The following TMEM39A variants were observed in gnomAD, a reference collection of about 807,000 sequenced individuals.
The protein encoded by TMEM39A is transmembrane protein 39A, also known as suppressor of SQST-1 aggregates in rpl-43 mutants.
A neutral mutation model predicts 51.9 loss-of-function variants in TMEM39A; 19 were observed. That is an observed-to-expected ratio of 0.37 (90% CI 0.26 to 0.54). The LOEUF (loss-of-function observed/expected upper bound fraction) is 0.54, where lower values mean the gene tolerates loss of function less well. TMEM39A is among the 20% of genes least tolerant of loss of function. The probability of loss-of-function intolerance (pLI) is 0.88; values close to 1 mark genes in which losing one functional copy is unlikely to be tolerated. For missense variants in TMEM39A, 433 were observed against 590.5 expected (o/e 0.73, Z 2.76); for synonymous variants, 197 against 220.2 (o/e 0.89, Z 0.93).
chr3:119,435,983 G>A (rs1180141709), intron 7 of TMEM39A: 5 of 1,255,324 alleles, frequency 4.0e-6, no homozygotes, highest in Non-Finnish European at 4.2e-6. Flanking sequence ...CTCTCAGGGG[G>A]AGAGGGAAAG....
At chr3:119,433,661 G>C (rs1009495054) in intron 8 of TMEM39A, among the ~76,000 whole-genome samples, 1 of 152,184 alleles carries the variant, frequency 6.6e-6, no homozygotes, top group Non-Finnish European at 1.5e-5. Context: ...ATGGCCTAGA[G>C]AATTCAGCTG....
intron 5 of TMEM39A, among the ~76,000 whole-genome samples, chr3:119,440,686 C>T (rs2081041322): frequency 6.6e-6 from 1 of 152,044 alleles, no homozygotes; most frequent in Non-Finnish European, 1.5e-5. Context: ...TTGTCATAAT[C>T]TAGTATTTTA....
At chr3:119,444,583 A>G (rs1297238647) in intron 5 of TMEM39A, among the ~76,000 whole-genome samples, 1 of 152,204 alleles carries the variant, frequency 6.6e-6, no homozygotes, top group African/African-American at 2.4e-5. Flanking sequence ...ACTTGATTTT[A>G]TACTTTGTAA....
intron 3 of TMEM39A, among the ~76,000 whole-genome samples, 166 bp downstream of exon 3, chr3:119,457,852 T>C (rs952761616): frequency 6.6e-5 from 10 of 152,246 alleles, no homozygotes; most frequent in Non-Finnish European, 1.0e-4. Context: ...ACTTATAATT[T>C]AACCATCTTA....
At chr3:119,457,963 C>A (rs79979153) in intron 3 of TMEM39A, 55 bp downstream of exon 3, 1 of 1,330,820 alleles carries the variant, frequency 7.5e-7, no homozygotes, top group Non-Finnish European at 1.1e-6. Flanking sequence ...AAAGGCTTTC[C>A]AGGTAGTTTC....
intron 7 of TMEM39A, chr3:119,435,105 A>G (rs1192068838): frequency 1.0e-6 from 1 of 984,842 alleles, no homozygotes; most frequent in East Asian, 1.1e-4. Context: ...AAAGAAATAT[A>G]GTTAACTCAG....
chr3:119,439,457 T>C (rs2081019930), intron 5 of TMEM39A, among the ~76,000 whole-genome samples: 2 of 151,616 alleles, frequency 1.3e-5, no homozygotes, highest in Admixed American at 6.6e-5. Flanking sequence ...GGCGCGCACC[T>C]GCAATCCCAG....
chr3:119,437,429 G>A (rs764556700), intron 6 of TMEM39A, among the ~76,000 whole-genome samples: 3 of 151,448 alleles, frequency 2.0e-5, no homozygotes, highest in African/African-American at 4.9e-5. Flanking sequence ...AACCACAGTA[G>A]GCTGAGTTTT....
chr3:119,446,917 A>G, intron 5 of TMEM39A, 101 bp downstream of exon 5: 1 of 1,300,914 alleles, frequency 7.7e-7, no homozygotes, highest in Non-Finnish European at 1.0e-6. Flanking sequence ...TGCTTCATTT[A>G]TATTTGAAGA....
At chr3:119,450,695 G>T (rs9875225) in intron 4 of TMEM39A, among the ~76,000 whole-genome samples, 2 of 151,674 alleles carry the variant, frequency 1.3e-5, no homozygotes, top group Non-Finnish European at 2.9e-5. Context: ...GGTCGTGGGC[G>T]CCTGCAATCC....
chr3:119,461,765 C>T (rs2081342596), intron 2 of TMEM39A, among the ~76,000 whole-genome samples, 197 bp downstream of exon 2: 1 of 152,142 alleles, frequency 6.6e-6, no homozygotes, highest in Non-Finnish European at 1.5e-5. Flanking sequence ...ACTGCTTTCA[C>T]TTTGTGGGCC....
chr3:119,452,896 G>A (rs2107683097), intron 3 of TMEM39A, among the ~76,000 whole-genome samples: 1 of 152,236 alleles, frequency 6.6e-6, no homozygotes, highest in South Asian at 2.1e-4. Context: ...CTATCAGTTG[G>A]GATTCAGTCT....
chr3:119,434,756 A>G lies in TMEM39A; in HGVS notation c.1233+6T>C. Reference sequence around the variant, plus strand: ...TTATGTTTGAAAATAAATAAGCGGTACTTGCATAAAAGCGGGCATGAGATA... The same window carrying G: ...TTATGTTTGAAAATAAATAAGCGGTGCTTGCATAAAAGCGGGCATGAGATA... On this transcript the variant is annotated splice_donor_region_variant and intron_variant, in intron 8 of 8. Coordinates refer to ENST00000319172, the MANE Select transcript of TMEM39A (RefSeq NM_018266.3). 6.2e-7 allele frequency: 1 copy of G among 1,613,470 alleles called. No homozygotes were observed. Among genetic ancestry groups the G allele is most frequent in the Non-Finnish European group, 8.5e-7 (1 of 1,179,530 alleles).
At position 119,429,232 on chromosome 3, in the gene TMEM39A, C is replaced by T. The variant is rs80130151; in HGVS notation, c.*2749G>A. On this transcript the variant is annotated 3_prime_UTR_variant, in exon 9 of 9. Transcript: ENST00000319172. ...TTAAAAAAAAGAGAGAGAAACGGCA[C>T]AACAGGTGGCAGTGGTGGTGACTGA... Among the ~76,000 whole-genome samples the T allele has an allele frequency of 6.6e-6, 1 of 151,660 alleles. No homozygotes were observed. Among genetic ancestry groups the T allele is most frequent in the South Asian group, 2.1e-4 (1 of 4,750 alleles).
chr3:119,439,749 T>C (rs1398572609), intron 5 of TMEM39A, among the ~76,000 whole-genome samples: 2 of 149,648 alleles, frequency 1.3e-5, no homozygotes, highest in East Asian at 2.0e-4. Flanking sequence ...CAAGAGTGGG[T>C]AGAAGTAGAA....
chr3:119,451,497 A>C (rs2081197922), intron 4 of TMEM39A, among the ~76,000 whole-genome samples: 1 of 152,238 alleles, frequency 6.6e-6, no homozygotes, highest in South Asian at 2.1e-4. Flanking sequence ...ACAATATTTT[A>C]AGAAAGCACA....
chr3:119,455,212 C>T (rs2107685844), intron 3 of TMEM39A, among the ~76,000 whole-genome samples: 1 of 152,284 alleles, frequency 6.6e-6, no homozygotes, highest in East Asian at 1.9e-4. Context: ...ACCAGGTAAC[C>T]ACCTTCCACA....
chr3:119,434,664 T>C lies in TMEM39A; in HGVS notation c.1233+98A>G, dbSNP rs191421210. 1,257 of 1,480,536 alleles carry C rather than the reference T, an allele frequency of 8.5e-4. 1 individual carries two copies. Among genetic ancestry groups the C allele is most frequent in the Admixed American group, 1.8e-3 (83 of 47,122 alleles). 91.7% of individuals were successfully genotyped at this position (1,480,536 alleles called of 1,614,324 possible). On this transcript the variant is annotated intron_variant, in intron 8 of 8. Transcript: ENST00000319172. The stretch of plus-strand genomic sequence containing the variant: ...CAATAATTACCATGTAATAATTTCC[T>C]AGTATGTGCTACATGCTATGCTACA...
chr3:119,434,670 GTGCTACATGCTA>G, intron 8 of TMEM39A, 80 bp downstream of exon 8: 1 of 1,514,466 alleles, frequency 6.6e-7, no homozygotes. Context: ...TTCCTAGTAT[GTGCTACATGCTA>G]TGCTACATGC....
Sources: gnomAD v4.1 joint callset for allele counts (sites outside exome capture counted in the v4.1 genomes callset) on GRCh38, gnomAD v4.1.1 for gene constraint, MANE v1.5 for transcripts, NCBI Gene and HGNC (gene_info 2026-07-23, HGNC 2026-07-21) for gene names.